Variants in MLF1 observed in about 807,000 individuals in gnomAD.
The protein encoded by MLF1 is myeloid leukemia factor 1.
Under a neutral mutation model 38.3 loss-of-function variants are expected in MLF1, and 37 were observed. That is an observed-to-expected ratio of 0.96 (90% CI 0.74 to 1.27). The LOEUF (loss-of-function observed/expected upper bound fraction) is 1.27, where lower values mean the gene tolerates loss of function less well. Ranked by LOEUF, MLF1 falls within the 50% of genes most tolerant of loss-of-function variation. The pLI is 0.00. For missense variants in MLF1, 331 were observed against 349.2 expected, an observed-to-expected ratio of 0.95 and a Z score of 0.42; for synonymous variants, 95 against 106.5, an observed-to-expected ratio of 0.89 and a Z score of 0.66.
chr3:158,589,210 A>AT (rs928652713), intron 1 of MLF1, among the ~76,000 whole-genome samples: 84 of 151,182 alleles, frequency 5.6e-4, no homozygotes, highest in African/African-American at 1.6e-3. Flanking sequence ...GAATTTTTGT[A>AT]TTTTTTTTTA....
In MLF1 at chr3:158,605,084, G is replaced by A. The variant is rs1332614677; in HGVS notation, c.747-13G>A. On this transcript the variant is annotated splice_polypyrimidine_tract_variant and intron_variant, in intron 7 of 7. Coordinates refer to ENST00000466246, the MANE Select transcript of MLF1 (RefSeq NM_001369783.1). ...TTTTAAATGATATTAATATTCACAT[G>A]TATATTTCTCAGGGAGAAACCTCAA... 3 of 1,584,000 alleles carry A rather than the reference G, an allele frequency of 1.9e-6. No homozygotes were observed. The highest frequency in any genetic ancestry group is 1.7e-6 in the Non-Finnish European group (2 of 1,155,290).
In MLF1 at chr3:158,599,996, AT is replaced by A. The variant is rs751934554; in HGVS notation, c.454-15del. 7.9e-7 allele frequency: 1 copy of A among 1,264,662 alleles called. No individual in the cohort carries two copies. 78.3% of individuals were successfully genotyped at this position (1,264,662 alleles called of 1,614,324 possible). A position where few individuals can be genotyped will look rare whatever the true frequency, so the allele number is the denominator to read the frequency against. On this transcript the variant is annotated splice_polypyrimidine_tract_variant and intron_variant, in intron 5 of 7. Coordinates refer to ENST00000466246, the MANE Select transcript of MLF1 (RefSeq NM_001369783.1). ...CTATATATATTTAAATAATAATAAA[AT>A]TTCTTTATTTTTACAGATAAAGGAA... is the stretch of plus-strand genomic sequence containing the variant.
chr3:158,579,579 T>C (rs551428265), intron 1 of MLF1, among the ~76,000 whole-genome samples: 4 of 152,166 alleles, frequency 2.6e-5, no homozygotes, highest in Non-Finnish European at 5.9e-5. Context: ...CCTACTTCTA[T>C]ATAAAGAAAG....
intron 3 of MLF1, among the ~76,000 whole-genome samples, 163 bp from the exon 4 acceptor site, chr3:158,596,699 A>C (rs1024668925): frequency 3.3e-5 from 5 of 152,152 alleles, no homozygotes; most frequent in Non-Finnish European, 7.4e-5. Context: ...CTCCTTAACT[A>C]ATCACTGTCA....
chr3:158,590,304 C>G (rs936300878), intron 1 of MLF1, among the ~76,000 whole-genome samples: 4 of 152,076 alleles, frequency 2.6e-5, no homozygotes, highest in Admixed American at 2.6e-4. Flanking sequence ...ACTCAAATGG[C>G]TACAGTTAAA....
chr3:158,596,393 A>G (rs559432207), intron 3 of MLF1, among the ~76,000 whole-genome samples: 87 of 152,120 alleles, frequency 5.7e-4, no homozygotes, highest in Non-Finnish European at 9.7e-4. Context: ...CTCGAGGGAC[A>G]ACTTCTGTCA....
At chr3:158,584,495 T>C (rs1716899702) in intron 1 of MLF1, among the ~76,000 whole-genome samples, 1 of 152,144 alleles carries the variant, frequency 6.6e-6, no homozygotes, top group Non-Finnish European at 1.5e-5. Context: ...CAGGAAAATG[T>C]GACCCATTCT....
intron 3 of MLF1, among the ~76,000 whole-genome samples, chr3:158,596,168 T>G (rs1306946481): frequency 6.6e-6 from 1 of 152,128 alleles, no homozygotes; most frequent in Non-Finnish European, 1.5e-5. Flanking sequence ...ATGAGTATAG[T>G]TATTGCCAGT....
chr3:158,577,429 C>CA (rs1217528622), intron 1 of MLF1, among the ~76,000 whole-genome samples: 1 of 152,160 alleles, frequency 6.6e-6, no homozygotes, highest in African/African-American at 2.4e-5. Context: ...GCCACATATA[C>CA]CTCTCATTCT....
At chr3:158,602,960 A>G (rs780118443) in intron 7 of MLF1, 21 bp downstream of exon 7, 3 of 1,591,820 alleles carry the variant, frequency 1.9e-6, no homozygotes, top group Non-Finnish European at 2.6e-6. Context: ...TTTCTAAAAT[A>G]GTTTGGTTTT....
intron 3 of MLF1, among the ~76,000 whole-genome samples, chr3:158,596,238 CT>C (rs141988785): frequency 0.015 from 2,316 of 152,196 alleles, 67 homozygotes; most frequent in African/African-American, 0.053. Context: ...GAATTCTTAA[CT>C]GTTTTTCTGA....
intron 2 of MLF1, among the ~76,000 whole-genome samples, chr3:158,592,980 T>C (rs1001010842): frequency 4.6e-5 from 7 of 152,162 alleles, no homozygotes; most frequent in African/African-American, 1.7e-4. Flanking sequence ...ATTGTCTTTA[T>C]TGGACCAGGA....
intron 1 of MLF1, among the ~76,000 whole-genome samples, chr3:158,584,690 T>TGC (rs2108586761): frequency 6.6e-6 from 1 of 151,864 alleles, no homozygotes; most frequent in Admixed American, 6.6e-5. Context: ...TGTGTGTGTG[T>TGC]GTGTGTGTGT....
chr3:158,600,821 A>G (rs1719640143), intron 6 of MLF1, among the ~76,000 whole-genome samples: 1 of 151,612 alleles, frequency 6.6e-6, no homozygotes, highest in African/African-American at 2.4e-5. Flanking sequence ...GTTAGATTAC[A>G]TGTATGTCTC....
At chr3:158,586,136 C>T (rs1322117906) in intron 1 of MLF1, among the ~76,000 whole-genome samples, 2 of 150,442 alleles carry the variant, frequency 1.3e-5, no homozygotes, top group Non-Finnish European at 3.0e-5. Flanking sequence ...TGCACTCCAG[C>T]CTGGGCAGCA....
intron 1 of MLF1, among the ~76,000 whole-genome samples, chr3:158,583,872 C>T (rs1163323588): frequency 6.6e-6 from 1 of 152,170 alleles, no homozygotes; most frequent in Admixed American, 6.5e-5. Flanking sequence ...AATAGTGTAA[C>T]TAAAATCTTG....
chr3:158,600,213 T>G (rs770860915), intron 6 of MLF1, 40 bp downstream of exon 6: 9 of 1,291,340 alleles, frequency 7.0e-6, no homozygotes, highest in Admixed American at 2.8e-5. Context: ...TCTTATAAAT[T>G]TAAAATAACA....
In MLF1 at chr3:158,586,110, G is replaced by A. The variant is rs928416810; in HGVS notation, c.48-6324G>A. Among the ~76,000 whole-genome samples, 3 of 151,562 alleles carry A rather than the reference G, an allele frequency of 2.0e-5. No individual in the cohort carries two copies. The East Asian group carries it at 5.8e-4, about 29-fold the overall frequency. The stretch of plus-strand genomic sequence containing the variant: ...ACCCAGGAGGCGGAGGTTGCAGTGA[G>A]CTGAGATTGCGCCATTGCACTCCAG... On this transcript the variant is annotated intron_variant, in intron 1 of 7. Coordinates refer to ENST00000466246, the MANE Select transcript of MLF1 (RefSeq NM_001369783.1).
rs564202984 is a variant in MLF1 at position 158,586,278 on chromosome 3, T to TA, written c.48-6149dup. ...TTTTGATACATTAAAAAAATATATA[T>TA]AAAAAAACCATAAAGCATCCAGAGA... On this transcript the variant is annotated intron_variant, in intron 1 of 7. Transcript: ENST00000466246. 5.3e-4 allele frequency among the ~76,000 whole-genome samples: 80 copies of TA among 151,748 alleles called. 1 individual carries two copies. The South Asian group carries it at 0.012, about 23-fold the overall frequency.
Sources: allele counts gnomAD v4.1 joint callset (sites outside exome capture counted in the v4.1 genomes callset), GRCh38; gene constraint gnomAD v4.1.1; transcripts MANE v1.5; gene names NCBI Gene and HGNC (gene_info 2026-07-23, HGNC 2026-07-21).